The following DOCK2 variants were observed in gnomAD, a reference collection of about 807,000 sequenced individuals.
The protein encoded by DOCK2 is dedicator of cytokinesis protein 2.
A neutral mutation model predicts 248.9 loss-of-function variants in DOCK2; 87 were observed. That is an observed-to-expected ratio of 0.35 (90% CI 0.29 to 0.42). The LOEUF is 0.42. Ranked by LOEUF, DOCK2 falls within the 10% of genes least tolerant of loss-of-function variation. The probability of loss-of-function intolerance (pLI) is 1.00; values close to 1 mark genes in which losing one functional copy is unlikely to be tolerated. For synonymous variants in DOCK2, 805 were observed against 821.6 expected, an observed-to-expected ratio of 0.98 and a Z score of 0.35; for missense variants, 1,747 against 2,300.2, an observed-to-expected ratio of 0.76 and a Z score of 4.92.
intron 27 of DOCK2, among the ~76,000 whole-genome samples, chr5:169,869,863 C>T (rs893753038): frequency 6.6e-6 from 1 of 152,220 alleles, no homozygotes; most frequent in Non-Finnish European, 1.5e-5. Context: ...ACCCTCCCAT[C>T]CTTACCATCT....
intron 22 of DOCK2, among the ~76,000 whole-genome samples, chr5:169,746,308 C>T (rs13184159): frequency 7.9e-5 from 12 of 151,848 alleles, no homozygotes; most frequent in Non-Finnish European, 1.3e-4. Context: ...AGTAGAAAGA[C>T]GGGAAAGAAG....
At chr5:169,825,323 A>G (rs1768773546) in intron 26 of DOCK2, among the ~76,000 whole-genome samples, 1 of 152,306 alleles carries the variant, frequency 6.6e-6, no homozygotes, top group East Asian at 1.9e-4. Context: ...ATGTACATGT[A>G]TGTTTATTGT....
At chr5:169,673,581 G>A (rs1357824728) in intron 5 of DOCK2, among the ~76,000 whole-genome samples, 1 of 152,078 alleles carries the variant, frequency 6.6e-6, no homozygotes, top group African/African-American at 2.4e-5. Context: ...AGTGCAGTGG[G>A]ACCATCATAG....
chr5:169,889,982 A>T (rs1041426756), intron 27 of DOCK2, among the ~76,000 whole-genome samples: 4 of 147,976 alleles, frequency 2.7e-5, no homozygotes, highest in African/African-American at 1.1e-4. Context: ...TTTACACCAC[A>T]CTTTACAACT....
rs900957182 is a variant in DOCK2, at chr5:170,083,008, C to T, written c.*150C>T. 3.5e-5 allele frequency: 34 copies of T among 964,352 alleles called. No individual in the cohort carries two copies. The African/African-American group carries it at 4.9e-4, about 14-fold the overall frequency. 59.7% of individuals were successfully genotyped at this position (964,352 alleles called of 1,614,324 possible). The stretch of plus-strand genomic sequence containing the variant: ...AGGAGACAGAGAGGCCAATCAGGTC[C>T]CAGAGCTTGAATGCTAACAAGCCCA... On this transcript the variant is annotated 3_prime_UTR_variant, in exon 52 of 52. Coordinates refer to ENST00000520908, the MANE Select transcript of DOCK2 (RefSeq NM_004946.3).
At chr5:169,903,006 G>A (rs1216637037) in intron 27 of DOCK2, among the ~76,000 whole-genome samples, 1 of 152,086 alleles carries the variant, frequency 6.6e-6, no homozygotes. Context: ...GCTGAGGCAG[G>A]AGAATCGCTT....
chr5:169,693,778 G>A (rs781010910), intron 9 of DOCK2, among the ~76,000 whole-genome samples: 7 of 152,118 alleles, frequency 4.6e-5, no homozygotes, highest in Non-Finnish European at 7.4e-5. Flanking sequence ...ATAAGTTTGC[G>A]ATCCTAAAGG....
At chr5:169,863,536 G>A (rs1264219762) in intron 27 of DOCK2, among the ~76,000 whole-genome samples, 5 of 152,226 alleles carry the variant, frequency 3.3e-5, no homozygotes. Context: ...GGTTTAGGGT[G>A]GGCCCTGGAA....
chr5:169,903,385 G>A lies in DOCK2; in HGVS notation c.2799+62533G>A, dbSNP rs550423264. Among the ~76,000 whole-genome samples the A allele has an allele frequency of 7.2e-5, 11 of 152,098 alleles. No homozygotes were observed. In the South Asian group the frequency reaches 2.1e-3, roughly 29 times the overall value. ...AAATACCCACCAAGAGGAAGTCGGG[G>A]TGCCGCAGGAGTCCCTTGGAGCAGC... On this transcript the variant is annotated intron_variant, in intron 27 of 51. Transcript: ENST00000520908.
intron 41 of DOCK2, among the ~76,000 whole-genome samples, 158 bp downstream of exon 41, chr5:170,050,555 T>A (rs1182018801): frequency 6.6e-6 from 1 of 152,208 alleles, no homozygotes; most frequent in Non-Finnish European, 1.5e-5. Context: ...GGATCCATGT[T>A]CTTTGGATCC....
chr5:169,982,184 A>C (rs1457448513), intron 27 of DOCK2, among the ~76,000 whole-genome samples: 1 of 151,962 alleles, frequency 6.6e-6, no homozygotes, highest in African/African-American at 2.4e-5. Context: ...GCCCCAGTGG[A>C]AACTTGCAAG....
chr5:169,843,351 G>T (rs777831842), intron 27 of DOCK2, among the ~76,000 whole-genome samples: 2 of 151,634 alleles, frequency 1.3e-5, no homozygotes, highest in African/African-American at 4.9e-5. Flanking sequence ...GTGAAACCCC[G>T]TCTCTACTAA....
chr5:169,803,731 T>C (rs1045731590), intron 26 of DOCK2, among the ~76,000 whole-genome samples: 4 of 152,024 alleles, frequency 2.6e-5, no homozygotes, highest in African/African-American at 9.7e-5. Flanking sequence ...GAAGTTACTG[T>C]GTATTTTGTA....
chr5:169,779,794 A>G (rs776533384), intron 25 of DOCK2, among the ~76,000 whole-genome samples: 3 of 152,000 alleles, frequency 2.0e-5, no homozygotes, highest in Non-Finnish European at 4.4e-5. Context: ...TCTCTTCTTA[A>G]GCCTGAACAA....
chr5:169,750,256 A>T (rs755346231), intron 23 of DOCK2, among the ~76,000 whole-genome samples: 4 of 152,230 alleles, frequency 2.6e-5, no homozygotes, highest in Non-Finnish European at 4.4e-5. Flanking sequence ...TGGGCTACAC[A>T]TATATTTGGG....
chr5:169,840,690 G>T (rs1769904633), intron 26 of DOCK2, 67 bp from the exon 27 acceptor site: 2 of 1,469,770 alleles, frequency 1.4e-6, no homozygotes, highest in Non-Finnish European at 9.4e-7. Flanking sequence ...TGTTGTCTGT[G>T]TCCTTTGTAC....
intron 1 of DOCK2, among the ~76,000 whole-genome samples, chr5:169,649,613 G>A (rs1408596994): frequency 2.0e-5 from 3 of 152,186 alleles, no homozygotes; most frequent in Admixed American, 1.3e-4. Flanking sequence ...AATAGAGTGT[G>A]ATGCCTGGTG....
Position 169,699,429 on chromosome 5 carries a change from T to C in DOCK2, c.1103T>C (p.Ile368Thr), listed in dbSNP as rs1268050330. 1 of 1,613,482 alleles carries C rather than the reference T, an allele frequency of 6.2e-7. No individual in the cohort carries two copies. Among genetic ancestry groups the C allele is most frequent in the Non-Finnish European group, 8.5e-7 (1 of 1,179,630 alleles). The stretch of plus-strand genomic sequence containing the variant: ...CTACACAGCCTGCTGGGCAAAGTCA[T>C]AGCCTCCAAGGGGGACAGTGGAGGG... ...DFLHSLLGKV[I>T]ASKGDSGGQG... The change falls in exon 12 of 52, where the codon ATA becomes ACA. Residue 368 changes from isoleucine (I) to threonine (T), a missense_variant. Physicochemically the swap from Ile to Thr is moderately conservative, Grantham distance 89 (BLOSUM62 -1). Transcript: ENST00000520908.
intron 22 of DOCK2, among the ~76,000 whole-genome samples, chr5:169,732,373 C>T (rs1762826619): frequency 6.6e-6 from 1 of 152,138 alleles, no homozygotes; most frequent in South Asian, 2.1e-4. Flanking sequence ...CTTCCCACTC[C>T]CTAGCTGAAT....
Sources: gnomAD v4.1 joint callset for allele counts (sites outside exome capture counted in the v4.1 genomes callset) on GRCh38, gnomAD v4.1.1 for gene constraint, MANE v1.5 for transcripts, NCBI Gene and HGNC (gene_info 2026-07-23, HGNC 2026-07-21) for gene names.